NNMT: variants seen among roughly 807,000 people sequenced by gnomAD.
NNMT encodes nicotinamide N-methyltransferase.
Under a neutral mutation model 11.7 loss-of-function variants are expected in NNMT, and 10 were observed. The observed-to-expected ratio is 0.85, with a 90% CI of 0.53 to 1.45. The LOEUF (loss-of-function observed/expected upper bound fraction) is 1.45, where lower values mean the gene tolerates loss of function less well. Among genes scored for constraint, NNMT ranks in the 40% most tolerant of loss-of-function variants. The pLI, the probability that NNMT is intolerant of heterozygous loss-of-function variation, is 0.00. For synonymous variants in NNMT, 143 were observed against 133.8 expected, an observed-to-expected ratio of 1.07 and a Z score of -0.48; for missense variants, 381 against 319.4, an observed-to-expected ratio of 1.19 and a Z score of -1.47.
chr11:114,291,723 A>G (rs536845525), upstream of NNMT, among the ~76,000 whole-genome samples: 1 of 152,028 alleles, frequency 6.6e-6, no homozygotes, highest in East Asian at 1.9e-4. Flanking sequence ...TCGTCCTCTA[A>G]GTTTCTAAGT....
chr11:114,273,181 A>T (rs374747992), intron 2 of NNMT, among the ~76,000 whole-genome samples: 5 of 152,330 alleles, frequency 3.3e-5, no homozygotes, highest in Admixed American at 6.5e-5. Context: ...AAGGACCAAG[A>T]TTTCCAGGTG....
At chr11:114,288,889 A>T (rs911104871) in intron 2 of NNMT, among the ~76,000 whole-genome samples, 4 of 152,002 alleles carry the variant, frequency 2.6e-5, no homozygotes, top group African/African-American at 9.7e-5. Flanking sequence ...TTAGCTTGTA[A>T]TTTTTTTCTT....
chr11:114,312,385 T>C lies in NNMT; in HGVS notation c.703T>C (p.Phe235Leu). The C allele has an allele frequency of 6.2e-7, 1 of 1,614,190 alleles. No homozygotes were observed. Among genetic ancestry groups the C allele is most frequent in the African/African-American group, 1.3e-5 (1 of 75,056 alleles). The change falls in exon 3 of 3, where the codon TTT becomes CTT. Residue 235 changes from phenylalanine (F) to leucine (L), a missense_variant. Coordinates refer to ENST00000299964, the MANE Select transcript of NNMT (RefSeq NM_006169.3). ...VKEAGYTIEW[F>L]EVISQSYSST... is the part of the protein sequence containing the mutation. Reference sequence around the variant, plus strand: ...AGAGGCTGGCTACACAATCGAATGGTTTGAGGTGATCTCGCAAAGTTATTC... The same window carrying C: ...AGAGGCTGGCTACACAATCGAATGGCTTGAGGTGATCTCGCAAAGTTATTC...
upstream of NNMT, among the ~76,000 whole-genome samples, chr11:114,294,817 G>A (rs1238624421): frequency 2.0e-5 from 3 of 152,064 alleles, no homozygotes; most frequent in African/African-American, 7.2e-5. Context: ...AAAATCAAGT[G>A]CCTGGCTGGG....
intron 2 of NNMT, among the ~76,000 whole-genome samples, chr11:114,305,522 C>T (rs1334953767): frequency 8.1e-5 from 12 of 147,548 alleles, no homozygotes; most frequent in Non-Finnish European, 1.0e-4. Context: ...CGACAGGCCC[C>T]GGTGTGTGAT....
chr11:114,286,112 C>A (rs1010166358), intron 2 of NNMT, among the ~76,000 whole-genome samples: 3 of 152,168 alleles, frequency 2.0e-5, no homozygotes, highest in Non-Finnish European at 2.9e-5. Flanking sequence ...CATTGAGTAC[C>A]ATTTAGCCCC....
chr11:114,285,692 C>G lies in NNMT; in HGVS notation c.-129-10736C>G, dbSNP rs527590390. Among the ~76,000 whole-genome samples the G allele has an allele frequency of 4.7e-4, 72 of 152,278 alleles. No individual in the cohort carries two copies. The South Asian group carries it at 0.014, about 30-fold the overall frequency. On this transcript the variant is annotated intron_variant, in intron 2 of 4. Transcript: ENST00000535401. The stretch of plus-strand genomic sequence containing the variant: ...GCTCTGCCTTGGAATTCTTTCCTGG[C>G]GACTCACGCCTGCCACAAGGTATGG...
At chr11:114,258,793 C>G (rs945076191) in intron 1 of NNMT, among the ~76,000 whole-genome samples, 2 of 152,192 alleles carry the variant, frequency 1.3e-5, no homozygotes, top group African/African-American at 4.8e-5. Flanking sequence ...CACTCTTGAG[C>G]CCCTCGGCCA....
intron 2 of NNMT, among the ~76,000 whole-genome samples, chr11:114,304,407 C>G (rs530647905): frequency 6.6e-6 from 1 of 152,178 alleles, no homozygotes; most frequent in Admixed American, 6.5e-5. Flanking sequence ...GACACTGTCC[C>G]CTCCCAATCA....
In NNMT at chr11:114,312,129, G is replaced by A; in HGVS notation, c.447G>A (p.Leu149=). The change falls in exon 3 of 3, where the codon CTG becomes CTA. Residue 149 remains leucine, a synonymous_variant. Transcript: ENST00000299964. ...LKCDVTQSQP[L]GAVPLPPADC... ...GTGATGTGACTCAGAGCCAGCCACT[G>A]GGGGCCGTCCCCTTACCCCCGGCTG... 1.2e-6 allele frequency: 2 copies of A among 1,613,664 alleles called. No homozygotes were observed. The highest frequency in any genetic ancestry group is 1.3e-5 in the African/African-American group (1 of 75,038).
chr11:114,311,783 C>T (rs892548754), intron 2 of NNMT, among the ~76,000 whole-genome samples: 10 of 152,080 alleles, frequency 6.6e-5, no homozygotes, highest in Admixed American at 5.2e-4. Flanking sequence ...GAGGGAAGTC[C>T]ACGGTAGAAG....
At chr11:114,279,205 C>A (rs527692316) in intron 2 of NNMT, among the ~76,000 whole-genome samples, 1 of 152,236 alleles carries the variant, frequency 6.6e-6, no homozygotes, top group East Asian at 1.9e-4. Flanking sequence ...ATGTACAAGG[C>A]GTGGCTAGTG....
intron 2 of NNMT, among the ~76,000 whole-genome samples, chr11:114,286,203 A>T (rs1192870084): frequency 6.6e-6 from 1 of 152,194 alleles, no homozygotes; most frequent in Non-Finnish European, 1.5e-5. Context: ...TATCAAGTAG[A>T]CTTGATCTCT....
At chr11:114,293,025 A>G (rs766949811), upstream of NNMT, among the ~76,000 whole-genome samples, 100 of 152,192 alleles carry the variant, frequency 6.6e-4, no homozygotes, top group Non-Finnish European at 1.0e-3. Flanking sequence ...GAGGCTTAAG[A>G]GTCTCAAAAG....
chr11:114,278,024 G>A (rs1405140309), intron 2 of NNMT, among the ~76,000 whole-genome samples: 3 of 152,130 alleles, frequency 2.0e-5, no homozygotes, highest in African/African-American at 7.2e-5. Context: ...GAAATATGTT[G>A]GCTGCTATGT....
upstream of NNMT, among the ~76,000 whole-genome samples, chr11:114,293,825 A>G (rs1221897771): frequency 6.6e-6 from 1 of 152,130 alleles, no homozygotes; most frequent in Non-Finnish European, 1.5e-5. Flanking sequence ...TCCAAGAGCT[A>G]TCAGCACTCC....
chr11:114,302,423 T>C (rs922001640), intron 2 of NNMT, among the ~76,000 whole-genome samples: 1 of 152,214 alleles, frequency 6.6e-6, no homozygotes, highest in Non-Finnish European at 1.5e-5. Flanking sequence ...TCATGAAGGA[T>C]GTAAGATATT....
intron 2 of NNMT, among the ~76,000 whole-genome samples, chr11:114,308,782 C>A (rs1455361950): frequency 6.6e-6 from 1 of 152,130 alleles, no homozygotes; most frequent in Non-Finnish European, 1.5e-5. Context: ...GAGGTGTATG[C>A]AGGCTTTACA....
intron 2 of NNMT, among the ~76,000 whole-genome samples, chr11:114,299,665 G>A (rs1945418490): frequency 6.6e-6 from 1 of 152,168 alleles, no homozygotes; most frequent in African/African-American, 2.4e-5. Context: ...TTGTGCGAGA[G>A]AAGACTTTAT....
Sources: gnomAD v4.1 joint callset for allele counts (sites outside exome capture counted in the v4.1 genomes callset) on GRCh38, gnomAD v4.1.1 for gene constraint, MANE v1.5 for transcripts, NCBI Gene and HGNC (gene_info 2026-07-23, HGNC 2026-07-21) for gene names.